Variants in TSHZ3 observed in about 807,000 individuals in gnomAD.
TSHZ3 encodes teashirt zinc finger homeobox 3.
A neutral mutation model predicts 64.5 loss-of-function variants in TSHZ3; 10 were observed. The ratio of observed to expected loss-of-function variants is 0.16; its 90% CI spans 0.10 to 0.26. The LOEUF (loss-of-function observed/expected upper bound fraction) is 0.26. TSHZ3 is among the 10% of genes least tolerant of loss of function. The probability of loss-of-function intolerance (pLI) is 1.00; values close to 1 mark genes in which losing one functional copy is unlikely to be tolerated. For missense variants in TSHZ3, 1,242 were observed against 1,421.7 expected, an observed-to-expected ratio of 0.87 and a Z score of 2.03; for synonymous variants, 608 against 593.1, an observed-to-expected ratio of 1.03 and a Z score of -0.36.
At chr19:31,339,740 TG>T (rs1220501819) in intron 1 of TSHZ3, among the ~76,000 whole-genome samples, 1 of 150,124 alleles carries the variant, frequency 6.7e-6, no homozygotes, top group Non-Finnish European at 1.5e-5. Context: ...GGCAGGGTGA[TG>T]GGAGGCCTGG....
At chr19:31,182,492 G>GA (rs1974732753) in intron 5 of TSHZ3, among the ~76,000 whole-genome samples, 1 of 152,138 alleles carries the variant, frequency 6.6e-6, no homozygotes, top group Non-Finnish European at 1.5e-5. Flanking sequence ...AGCCCGTGAT[G>GA]AAAAATCCAA....
intron 1 of TSHZ3, among the ~76,000 whole-genome samples, chr19:31,341,390 T>C (rs940898951): frequency 3.9e-5 from 6 of 152,196 alleles, no homozygotes; most frequent in African/African-American, 1.4e-4. Flanking sequence ...CACAGAGGCC[T>C]GATGGGGTGG....
chr19:31,196,744 C>A (rs1974999692), intron 5 of TSHZ3, among the ~76,000 whole-genome samples: 1 of 151,858 alleles, frequency 6.6e-6, no homozygotes, highest in Admixed American at 6.6e-5. Context: ...ATGAAGGAGT[C>A]AATTCTCCAA....
chr19:31,180,944 C>T (rs954994664), intron 5 of TSHZ3, among the ~76,000 whole-genome samples: 2 of 152,128 alleles, frequency 1.3e-5, no homozygotes, highest in Non-Finnish European at 2.9e-5. Context: ...AGCGATGTCA[C>T]CATCTTGTCA....
chr19:31,290,350 A>C (rs1568370728), intron 1 of TSHZ3, among the ~76,000 whole-genome samples: 1 of 152,160 alleles, frequency 6.6e-6, no homozygotes, highest in South Asian at 2.1e-4. Flanking sequence ...TCAAAGCAAC[A>C]GTGTGAAGGC....
At chr19:31,194,331 G>T (rs1290555225) in intron 5 of TSHZ3, among the ~76,000 whole-genome samples, 1 of 152,186 alleles carries the variant, frequency 6.6e-6, no homozygotes, top group Admixed American at 6.5e-5. Context: ...ACATCTAAGA[G>T]TGCATCAGAG....
intron 1 of TSHZ3, among the ~76,000 whole-genome samples, chr19:31,329,852 A>C (rs1351919403): frequency 1.3e-5 from 2 of 152,162 alleles, no homozygotes; most frequent in Non-Finnish European, 2.9e-5. Flanking sequence ...CTTCAGTCCC[A>C]TCAGCGTTGG....
At chr19:31,161,452 T>A (rs976994922) in intron 5 of TSHZ3, among the ~76,000 whole-genome samples, 2 of 152,244 alleles carry the variant, frequency 1.3e-5, no homozygotes, top group African/African-American at 4.8e-5. Flanking sequence ...TGCATTTTCC[T>A]ATGCTAACAT....
intron 1 of TSHZ3, among the ~76,000 whole-genome samples, chr19:31,310,672 C>G (rs1490412159): frequency 3.9e-5 from 6 of 152,158 alleles, no homozygotes; most frequent in Non-Finnish European, 8.8e-5. Context: ...CCTCACAGGC[C>G]TAGGTCCATC....
intron 1 of TSHZ3, among the ~76,000 whole-genome samples, chr19:31,301,278 C>T (rs1191505002): frequency 1.3e-5 from 2 of 152,084 alleles, no homozygotes; most frequent in East Asian, 3.9e-4. Flanking sequence ...TGACAGGGCC[C>T]TCTCTCATCC....
intron 1 of TSHZ3, among the ~76,000 whole-genome samples, chr19:31,257,211 G>A (rs539495277): frequency 1.3e-5 from 2 of 152,272 alleles, no homozygotes; most frequent in South Asian, 2.1e-4. Context: ...AGAGGGCTGC[G>A]CTACTCAGGG....
intron 1 of TSHZ3, among the ~76,000 whole-genome samples, chr19:31,335,583 A>G (rs1476042126): frequency 6.6e-6 from 1 of 152,192 alleles, no homozygotes; most frequent in African/African-American, 2.4e-5. Context: ...GTTGTCTCCC[A>G]CTCAGACTTG....
intron 1 of TSHZ3, among the ~76,000 whole-genome samples, chr19:31,333,008 G>T (rs1438289110): frequency 2.0e-5 from 3 of 151,984 alleles, no homozygotes; most frequent in African/African-American, 7.3e-5. Flanking sequence ...AGGAGGCTGA[G>T]GTGGGAGGAC....
chr19:31,313,105 C>G (rs1184345354), intron 1 of TSHZ3, among the ~76,000 whole-genome samples: 1 of 152,060 alleles, frequency 6.6e-6, no homozygotes, highest in African/African-American at 2.4e-5. Flanking sequence ...CTCAGGATGC[C>G]AAACCTGCTT....
chr19:31,199,068 C>G (rs928610017), intron 5 of TSHZ3, among the ~76,000 whole-genome samples: 1 of 151,996 alleles, frequency 6.6e-6, no homozygotes, highest in East Asian at 1.9e-4. Flanking sequence ...AAAAAATAGA[C>G]AAGGCAGTGG....
intron 5 of TSHZ3, among the ~76,000 whole-genome samples, chr19:31,187,626 G>A (rs1354904165): frequency 6.6e-6 from 1 of 151,970 alleles, no homozygotes; most frequent in Non-Finnish European, 1.5e-5. Context: ...TTTAGTGTTA[G>A]GTAGGGTTTA....
intron 1 of TSHZ3, among the ~76,000 whole-genome samples, chr19:31,338,173 G>A (rs988978004): frequency 6.6e-6 from 1 of 152,234 alleles, no homozygotes; most frequent in East Asian, 1.9e-4. Context: ...GAGGTGGAAA[G>A]GCCAGAGCTT....
chr19:31,162,655 T>C (rs1974386749), intron 5 of TSHZ3, among the ~76,000 whole-genome samples: 1 of 152,190 alleles, frequency 6.6e-6, no homozygotes, highest in Non-Finnish European at 1.5e-5. Flanking sequence ...CAGCTCCCTA[T>C]GCAGGTACTC....
intron 1 of TSHZ3, among the ~76,000 whole-genome samples, chr19:31,289,836 CAG>C (rs1289452387): frequency 6.6e-6 from 1 of 152,188 alleles, no homozygotes; most frequent in Non-Finnish European, 1.5e-5. Flanking sequence ...TCCTCTGTGT[CAG>C]GGAAAGAGCT....
Sources: allele counts gnomAD v4.1 joint callset (sites outside exome capture counted in the v4.1 genomes callset), GRCh38; gene constraint gnomAD v4.1.1; transcripts MANE v1.5; gene names NCBI Gene and HGNC (gene_info 2026-07-23, HGNC 2026-07-21).